The following SANBR variants were observed in gnomAD, a reference collection of about 807,000 sequenced individuals.
SANBR encodes the protein SANT and BTB domain regulator of class switch recombination.
A neutral mutation model predicts 101.8 loss-of-function variants in SANBR; 77 were observed. That is an observed-to-expected ratio of 0.76 (90% CI 0.63 to 0.91). The LOEUF (loss-of-function observed/expected upper bound fraction) is 0.91, where lower values mean the gene tolerates loss of function less well. Among genes scored for constraint, SANBR ranks in the 40% least tolerant of loss-of-function variants. SANBR has a pLI of 0.00. For synonymous variants in SANBR, 279 were observed against 274.7 expected, an observed-to-expected ratio of 1.02 and a Z score of -0.15; for missense variants, 875 against 853.0, an observed-to-expected ratio of 1.03 and a Z score of -0.32.
In SANBR at chr2:61,118,043, C is replaced by T; in HGVS notation, c.1955C>T (p.Thr652Ile). 1 of 1,613,206 alleles carries T rather than the reference C, an allele frequency of 6.2e-7. No individual in the cohort carries two copies. Residue 652 changes from threonine to isoleucine, a missense_variant, in exon 20 of 22, where the codon ACT becomes ATT. Thr to Ile is a moderately conservative substitution (Grantham distance 89). Transcript: ENST00000402291. ...AQREDDQRRM[T>I]EITGHLIKMR... Reference sequence around the variant, plus strand: ...TTCCCTTCAGATCAACGGCGAATGACTGAAATTACAGGGCACCTAATAAAA... The same window carrying T: ...TTCCCTTCAGATCAACGGCGAATGATTGAAATTACAGGGCACCTAATAAAA...
intron 8 of SANBR, among the ~76,000 whole-genome samples, chr2:61,085,703 G>C (rs1298821995): frequency 6.6e-6 from 1 of 151,716 alleles, no homozygotes; most frequent in Non-Finnish European, 1.5e-5. Flanking sequence ...TAGAGACGGG[G>C]TTTCACCATG....
intron 10 of SANBR, chr2:61,090,832 T>A (rs1682714680): frequency 6.6e-6 from 1 of 152,262 alleles, no homozygotes; most frequent in South Asian, 2.1e-4. Context: ...CACTTCAGCC[T>A]CTCAAAGCGC....
At chr2:61,093,657 A>G (rs984949385) in intron 11 of SANBR, among the ~76,000 whole-genome samples, 1 of 152,174 alleles carries the variant, frequency 6.6e-6, no homozygotes, top group Non-Finnish European at 1.5e-5. Context: ...AGTGAAAACA[A>G]TTATTAAAAA....
At chr2:61,109,026 T>C (rs1320354735) in intron 15 of SANBR, among the ~76,000 whole-genome samples, 171 bp from the exon 16 acceptor site, 1 of 152,182 alleles carries the variant, frequency 6.6e-6, no homozygotes, top group African/African-American at 2.4e-5. Flanking sequence ...GTAAGCCTGC[T>C]CCAAATATAA....
Position 61,130,929 on chromosome 2 carries a change from C to CAAAAAAAAAAA in SANBR, c.2029-3189_2029-3179dup, listed in dbSNP as rs59171411. ...TGGGTGACAGAGCGAGACTCTGTCT[C>CAAAAAAAAAAA]AAAAAAAAAAAAAAAAAAAAAAAAA... On this transcript the variant is annotated intron_variant, in intron 20 of 21. Transcript: ENST00000295031. 9.8e-4 allele frequency among the ~76,000 whole-genome samples: 13 copies of CAAAAAAAAAAA among 13,230 alleles called. 5 individuals are homozygous for CAAAAAAAAAAA. The highest frequency in any genetic ancestry group is 3.1e-3 in the Admixed American group (2 of 640). 8.7% of individuals were successfully genotyped at this position (13,230 alleles called of 152,430 possible). A position where few individuals can be genotyped will look rare whatever the true frequency, so the allele number is the denominator to read the frequency against.
At chr2:61,096,376 T>C (rs1413376329) in intron 11 of SANBR, among the ~76,000 whole-genome samples, 1 of 152,016 alleles carries the variant, frequency 6.6e-6, no homozygotes, top group Non-Finnish European at 1.5e-5. Context: ...TCCAATAATT[T>C]TACCACTCAG....
chr2:61,082,805 C>G (rs11884135), intron 7 of SANBR, among the ~76,000 whole-genome samples: 4,104 of 151,786 alleles, frequency 0.027, 185 homozygotes, highest in African/African-American at 0.093. Flanking sequence ...GATGACAGAG[C>G]AAGACTCCAT....
At chr2:61,092,107 C>T (rs561446673) in intron 10 of SANBR, among the ~76,000 whole-genome samples, 2 of 152,312 alleles carry the variant, frequency 1.3e-5, no homozygotes, top group South Asian at 4.1e-4. Flanking sequence ...AACTCTTGGC[C>T]TGTTCAAACT....
At chr2:61,118,566 GTTTTTTTTTTTT>G in intron 20 of SANBR, among the ~76,000 whole-genome samples, 1 of 99,514 alleles carries the variant, frequency 1.0e-5, no homozygotes, top group East Asian at 2.6e-4. Flanking sequence ...TTTTTTGTTG[GTTTTTTTTTTTT>G]TTTTTTTTTG....
At chr2:61,127,937 T>A (rs954917654), downstream of SANBR, among the ~76,000 whole-genome samples, 3 of 152,102 alleles carry the variant, frequency 2.0e-5, no homozygotes, top group Admixed American at 2.0e-4. Flanking sequence ...TAGTAAAAAA[T>A]GTGCAAGGAC....
intron 8 of SANBR, among the ~76,000 whole-genome samples, chr2:61,084,590 G>T (rs754923543): frequency 4.6e-5 from 7 of 152,044 alleles, no homozygotes; most frequent in Non-Finnish European, 8.8e-5. Flanking sequence ...ACAGACCTTA[G>T]ATAAAGGGAA....
chr2:61,108,668 CTTT>C (rs35192103), intron 15 of SANBR, among the ~76,000 whole-genome samples: 1 of 145,682 alleles, frequency 6.9e-6, no homozygotes. Context: ...GAAGGGTTGG[CTTT>C]TTTTTTTTTA....
intron 8 of SANBR, 22 bp from the exon 9 acceptor site, chr2:61,088,135 ATT>A (rs1682541300): frequency 7.6e-7 from 1 of 1,323,550 alleles, no homozygotes; most frequent in Non-Finnish European, 1.1e-6. Flanking sequence ...GAAAATTAAT[ATT>A]TTGGTCATTT....
chr2:61,077,052 A>G lies in SANBR; in HGVS notation c.564A>G (p.Glu188=). The G allele has an allele frequency of 6.2e-7, 1 of 1,614,142 alleles. No individual in the cohort carries two copies. Among genetic ancestry groups the G allele is most frequent in the Non-Finnish European group, 8.5e-7 (1 of 1,179,968 alleles). ...EYLSMDAQRW[E]EVDISVHCDV... is the part of the protein sequence containing the mutation. ...TATCTATGGATGCCCAGCGCTGGGA[A>G]GAGGTGGACATTTCAGTTCATTGCG... The change falls in exon 6 of 22, where the codon GAA becomes GAG. Residue 188 remains glutamate (E), a synonymous_variant. Transcript: ENST00000402291.
chr2:61,136,279 G>A (rs1446705093), intron 21 of SANBR, among the ~76,000 whole-genome samples: 4 of 151,454 alleles, frequency 2.6e-5, no homozygotes, highest in Non-Finnish European at 5.9e-5. Context: ...ACTCCAGCCT[G>A]GGCAACAGAG....
intron 20 of SANBR, among the ~76,000 whole-genome samples, chr2:61,131,713 C>T (rs1319125630): frequency 6.6e-6 from 1 of 152,122 alleles, no homozygotes; most frequent in Non-Finnish European, 1.5e-5. Flanking sequence ...TGTGAAAACT[C>T]AAGGGATTCA....
chr2:61,077,623 C>G (rs780808936), intron 6 of SANBR, among the ~76,000 whole-genome samples: 5 of 151,898 alleles, frequency 3.3e-5, no homozygotes, highest in Non-Finnish European at 7.4e-5. Flanking sequence ...TCTAGTTTCA[C>G]TTAAGAATGT....
intron 20 of SANBR, among the ~76,000 whole-genome samples, chr2:61,131,205 G>A (rs958792727): frequency 2.0e-5 from 3 of 152,016 alleles, no homozygotes; most frequent in African/African-American, 4.8e-5. Flanking sequence ...AGCCAGAGCA[G>A]TTGGGCCCAA....
At chr2:61,108,674 T>A (rs1683684338) in intron 15 of SANBR, among the ~76,000 whole-genome samples, 1 of 151,992 alleles carries the variant, frequency 6.6e-6, no homozygotes, top group Non-Finnish European at 1.5e-5. Flanking sequence ...TTGGCTTTTT[T>A]TTTTTTACCT....
Sources: gnomAD v4.1 joint callset for allele counts (sites outside exome capture counted in the v4.1 genomes callset) on GRCh38, gnomAD v4.1.1 for gene constraint, MANE v1.5 for transcripts, NCBI Gene and HGNC (gene_info 2026-07-23, HGNC 2026-07-21) for gene names.